PLSCR2: variants seen among roughly 807,000 people sequenced by gnomAD.
The protein encoded by PLSCR2 is PL scramblase 2.
In PLSCR2, 18 loss-of-function variants were observed where a neutral mutation model predicts 25.3. That is an observed-to-expected ratio of 0.71 (90% confidence interval 0.49 to 1.06). The LOEUF (loss-of-function observed/expected upper bound fraction) is 1.06. Among genes scored for constraint, PLSCR2 ranks in the 50% least tolerant of loss-of-function variants. The pLI is 0.00. For synonymous variants in PLSCR2, 88 were observed against 87.3 expected, an observed-to-expected ratio of 1.01 and a Z score of -0.04; for missense variants, 243 against 269.5, an observed-to-expected ratio of 0.90 and a Z score of 0.69.
intron 2 of PLSCR2, among the ~76,000 whole-genome samples, chr3:146,421,093 G>C (rs1315913373): frequency 1.3e-5 from 2 of 152,016 alleles, no homozygotes; most frequent in African/African-American, 4.8e-5. Context: ...TATAGATGGA[G>C]AAAATGTATT....
intron 2 of PLSCR2, among the ~76,000 whole-genome samples, chr3:146,427,011 AATTT>A (rs2039379031): frequency 6.6e-6 from 1 of 152,210 alleles, no homozygotes; most frequent in South Asian, 2.1e-4. Flanking sequence ...CTTCACCCTC[AATTT>A]ATTTAAAAGA....
intron 1 of PLSCR2, among the ~76,000 whole-genome samples, chr3:146,485,389 A>G (rs1323204823): frequency 6.6e-6 from 1 of 152,126 alleles, no homozygotes; most frequent in Non-Finnish European, 1.5e-5. Flanking sequence ...TAGACAGATC[A>G]TCAAAACATA....
intron 1 of PLSCR2, among the ~76,000 whole-genome samples, chr3:146,475,070 C>T (rs565844859): frequency 1.9e-4 from 29 of 152,070 alleles, no homozygotes; most frequent in African/African-American, 7.0e-4. Context: ...AGCTTCTTTG[C>T]ATTGGGTTAG....
intron 6 of PLSCR2, among the ~76,000 whole-genome samples, chr3:146,448,064 A>C (rs371095874): frequency 2.0e-5 from 3 of 152,020 alleles, no homozygotes; most frequent in Admixed American, 6.6e-5. Flanking sequence ...GGTATGGGGG[A>C]GGAGTGATTT....
intron 2 of PLSCR2, among the ~76,000 whole-genome samples, chr3:146,425,464 T>C (rs1464129312): frequency 1.3e-5 from 2 of 152,118 alleles, no homozygotes; most frequent in Non-Finnish European, 2.9e-5. Context: ...ATCTACTATT[T>C]GGGGTTTCCA....
At chr3:146,433,357 T>C (rs1043058948) in exon 9 of PLSCR2, 1 of 152,160 alleles carries the variant, frequency 6.6e-6, no homozygotes, top group Non-Finnish European at 1.5e-5. Context: ...TTTTTCTCCA[T>C]GTAAATATTC....
intron 6 of PLSCR2, among the ~76,000 whole-genome samples, chr3:146,444,050 C>T (rs1442156842): frequency 6.6e-6 from 1 of 151,788 alleles, no homozygotes; most frequent in African/African-American, 2.4e-5. Flanking sequence ...TGTTTAATTT[C>T]CATGTGTTTT....
chr3:146,412,760 C>T (rs2038897287), intron 2 of PLSCR2, among the ~76,000 whole-genome samples: 1 of 152,026 alleles, frequency 6.6e-6, no homozygotes, highest in Non-Finnish European at 1.5e-5. Context: ...GTGTCGTTCC[C>T]CTATTGGCTA....
At chr3:146,492,685 C>G (rs1174218023) in intron 1 of PLSCR2, among the ~76,000 whole-genome samples, 1 of 151,760 alleles carries the variant, frequency 6.6e-6, no homozygotes, top group Non-Finnish European at 1.5e-5. Context: ...ACAGGTACAT[C>G]AAGAAGTTAG....
chr3:146,491,055 C>A (rs1406055704), intron 1 of PLSCR2, among the ~76,000 whole-genome samples: 1 of 152,034 alleles, frequency 6.6e-6, no homozygotes, highest in African/African-American at 2.4e-5. Context: ...GTAACAAATT[C>A]CTTAGAATTT....
At chr3:146,420,783 A>T (rs2039122238) in intron 2 of PLSCR2, among the ~76,000 whole-genome samples, 1 of 152,128 alleles carries the variant, frequency 6.6e-6, no homozygotes, top group Non-Finnish European at 1.5e-5. Context: ...CCTTAGAGAA[A>T]ATAGGCGTAT....
exon 5 of PLSCR2, chr3:146,454,105 G>T (rs760515235): frequency 1.2e-6 from 2 of 1,609,538 alleles, no homozygotes; most frequent in Admixed American, 3.4e-5. Flanking sequence ...TGTTAGACAT[G>T]GGTGCCAGGT....
At chr3:146,488,814 T>C (rs946652609) in intron 1 of PLSCR2, among the ~76,000 whole-genome samples, 7 of 152,164 alleles carry the variant, frequency 4.6e-5, no homozygotes, top group Non-Finnish European at 8.8e-5. Flanking sequence ...ATCCCATTAC[T>C]GGGTATATAA....
intron 6 of PLSCR2, among the ~76,000 whole-genome samples, chr3:146,444,195 T>C (rs1205144816): frequency 1.3e-5 from 2 of 152,062 alleles, no homozygotes; most frequent in East Asian, 3.8e-4. Context: ...AGTTTATCCT[T>C]GAGAATGAGC....
At chr3:146,454,271 GA>G (rs1352614579) in intron 4 of PLSCR2, 108 bp from the exon 5 acceptor site, 1 of 654,332 alleles carries the variant, frequency 1.5e-6, no homozygotes, top group African/African-American at 1.9e-5. Context: ...TGTAAGTGAG[GA>G]CTTCCTAGGA....
chr3:146,494,533 T>C (rs1472998852), intron 1 of PLSCR2: 2 of 152,206 alleles, frequency 1.3e-5, no homozygotes, highest in African/African-American at 4.8e-5. Flanking sequence ...TATTTAATTA[T>C]GCCAGACAAA....
chr3:146,483,015 G>T (rs1445698151), intron 1 of PLSCR2, among the ~76,000 whole-genome samples: 1 of 151,688 alleles, frequency 6.6e-6, no homozygotes, highest in African/African-American at 2.4e-5. Flanking sequence ...TTCTGGCCAG[G>T]GCAATCAGGC....
intron 1 of PLSCR2, among the ~76,000 whole-genome samples, chr3:146,482,372 T>C (rs1035453424): frequency 6.6e-6 from 1 of 151,906 alleles, no homozygotes; most frequent in African/African-American, 2.4e-5. Context: ...CTTAAACAAA[T>C]TTACAAGAAA....
chr3:146,440,061 G>A (rs1389365011), downstream of PLSCR2, among the ~76,000 whole-genome samples: 2 of 152,168 alleles, frequency 1.3e-5, no homozygotes, highest in African/African-American at 4.8e-5. Flanking sequence ...GTTTGCCTGG[G>A]TATCACCAGT....
Sources: allele counts gnomAD v4.1 joint callset (sites outside exome capture counted in the v4.1 genomes callset), GRCh38; gene constraint gnomAD v4.1.1; transcripts MANE v1.5; gene names NCBI Gene and HGNC (gene_info 2026-07-23, HGNC 2026-07-21).